SLC38A6: variants seen among roughly 807,000 people sequenced by gnomAD.
The protein encoded by SLC38A6 is solute carrier family 38 member 6, also known as N system amino acid transporter NAT-1.
Under a neutral mutation model 65.0 loss-of-function variants are expected in SLC38A6, and 73 were observed. The ratio of observed to expected loss-of-function variants is 1.12; its 90% CI spans 0.93 to 1.37. SLC38A6 has a LOEUF of 1.37. Among genes scored for constraint, SLC38A6 ranks in the 40% most tolerant of loss-of-function variants. SLC38A6 has a pLI of 0.00. For missense variants in SLC38A6, 561 were observed against 531.1 expected (o/e 1.06, Z -0.55); for synonymous variants, 183 against 178.8 (o/e 1.02, Z -0.19).
At chr14:60,986,120 A>G (rs1594951276) in intron 3 of SLC38A6, among the ~76,000 whole-genome samples, 1 of 152,242 alleles carries the variant, frequency 6.6e-6, no homozygotes, top group South Asian at 2.1e-4. Context: ...CAGTGAGACT[A>G]TTCTGTGCTG....
At chr14:61,068,124 G>A (rs2043094141) in intron 15 of SLC38A6, among the ~76,000 whole-genome samples, 2 of 151,974 alleles carry the variant, frequency 1.3e-5, no homozygotes, top group African/African-American at 4.8e-5. Flanking sequence ...TCTGTTTTCT[G>A]TATTTCTAGT....
At chr14:61,002,727 A>G (rs963604001) in intron 3 of SLC38A6, among the ~76,000 whole-genome samples, 1 of 152,192 alleles carries the variant, frequency 6.6e-6, no homozygotes, top group African/African-American at 2.4e-5. Flanking sequence ...GAATTTACTT[A>G]AGATTTATAG....
At chr14:61,012,700 T>G (rs192951097) in intron 3 of SLC38A6, among the ~76,000 whole-genome samples, 9 of 152,240 alleles carry the variant, frequency 5.9e-5, no homozygotes, top group Admixed American at 3.3e-4. Flanking sequence ...GGTGTTGAGT[T>G]AGTTTCTTAA....
chr14:61,013,751 T>C (rs146176969), intron 3 of SLC38A6, among the ~76,000 whole-genome samples: 2,818 of 152,322 alleles, frequency 0.019, 53 homozygotes, highest in South Asian at 0.068. Context: ...TGCCAAGAGA[T>C]CAGCTGTTAG....
chr14:61,074,862 G>T (rs1460851928), intron 15 of SLC38A6, among the ~76,000 whole-genome samples: 22 of 151,508 alleles, frequency 1.5e-4, no homozygotes, highest in Non-Finnish European at 2.9e-4. Flanking sequence ...TTTTGGTGGT[G>T]GTGGGGAATA....
At chr14:61,004,200 T>C (rs1010208613) in intron 3 of SLC38A6, among the ~76,000 whole-genome samples, 6 of 152,178 alleles carry the variant, frequency 3.9e-5, no homozygotes, top group Admixed American at 6.5e-5. Context: ...AGTATTATGG[T>C]TTTGGTTCAC....
chr14:61,007,083 A>G (rs1003968317), intron 3 of SLC38A6, among the ~76,000 whole-genome samples: 6 of 152,150 alleles, frequency 3.9e-5, no homozygotes, highest in Non-Finnish European at 8.8e-5. Flanking sequence ...ACAAAAAACC[A>G]AACACCACAT....
intron 3 of SLC38A6, among the ~76,000 whole-genome samples, chr14:60,992,692 C>CTT (rs75046082): frequency 6.9e-5 from 10 of 145,748 alleles, no homozygotes; most frequent in East Asian, 6.0e-4. Context: ...TTAAAGATAA[C>CTT]TTTTTTTTTT....
chr14:60,988,644 G>A (rs780814575), intron 3 of SLC38A6, among the ~76,000 whole-genome samples: 2 of 152,076 alleles, frequency 1.3e-5, no homozygotes, highest in Non-Finnish European at 2.9e-5. Context: ...ACCCTCTCAA[G>A]TACTTCAACT....
chr14:61,069,132 C>A (rs2043134916), intron 15 of SLC38A6, among the ~76,000 whole-genome samples: 1 of 152,152 alleles, frequency 6.6e-6, no homozygotes, highest in African/African-American at 2.4e-5. Flanking sequence ...AGGGTTACGA[C>A]CCAGGCATCG....
intron 15 of SLC38A6, among the ~76,000 whole-genome samples, chr14:61,066,393 C>A (rs1409939537): frequency 1.3e-5 from 2 of 151,732 alleles, no homozygotes; most frequent in African/African-American, 4.8e-5. Context: ...TCAGGACAAG[C>A]AATTATAAGG....
chr14:61,045,299 C>T, intron 10 of SLC38A6, 47 bp from the exon 11 acceptor site: 1 of 1,188,388 alleles, frequency 8.4e-7, no homozygotes, highest in African/African-American at 1.5e-5. Context: ...ATAATGGTTT[C>T]AGTAGAGTGG....
At chr14:61,046,807 A>G (rs2042176580) in intron 12 of SLC38A6, among the ~76,000 whole-genome samples, 1 of 152,172 alleles carries the variant, frequency 6.6e-6, no homozygotes, top group Admixed American at 6.5e-5. Context: ...AAGAACCTCA[A>G]GAAAAAGTAA....
chr14:61,021,178 T>C (rs769676660), intron 5 of SLC38A6, among the ~76,000 whole-genome samples: 6 of 152,158 alleles, frequency 3.9e-5, no homozygotes, highest in Non-Finnish European at 5.9e-5. Context: ...CCAGCACCTA[T>C]TACACCTGGG....
chr14:61,083,309 A>G (rs1180140502), intron 16 of SLC38A6, among the ~76,000 whole-genome samples: 1 of 152,184 alleles, frequency 6.6e-6, no homozygotes, highest in South Asian at 2.1e-4. Flanking sequence ...CATGCTTGCC[A>G]GGTTCTGGGT....
intron 3 of SLC38A6, among the ~76,000 whole-genome samples, chr14:61,006,029 C>A (rs1212564826): frequency 6.6e-6 from 1 of 152,124 alleles, no homozygotes; most frequent in Admixed American, 6.5e-5. Flanking sequence ...TGCCGCATAT[C>A]TACACCTATC....
At chr14:61,079,909 G>C (rs2043578178) in intron 16 of SLC38A6, among the ~76,000 whole-genome samples, 2 of 152,136 alleles carry the variant, frequency 1.3e-5, no homozygotes, top group Admixed American at 6.5e-5. Flanking sequence ...TTTGGCTTCT[G>C]CTCCTTTCCC....
At chr14:61,035,967 C>T (rs1236892280) in intron 6 of SLC38A6, among the ~76,000 whole-genome samples, 3 of 151,768 alleles carry the variant, frequency 2.0e-5, no homozygotes, top group Admixed American at 6.6e-5. Flanking sequence ...TACAAAATCA[C>T]GTTAACCTAC....
chr14:60,992,773 G>A (rs1315450300), intron 3 of SLC38A6, among the ~76,000 whole-genome samples: 2 of 151,322 alleles, frequency 1.3e-5, no homozygotes, highest in Non-Finnish European at 2.9e-5. Context: ...CGCAACCTCC[G>A]CCTCCTGGGT....
Sources: allele counts gnomAD v4.1 joint callset (sites outside exome capture counted in the v4.1 genomes callset), GRCh38; gene constraint gnomAD v4.1.1; transcripts MANE v1.5; gene names NCBI Gene and HGNC (gene_info 2026-07-23, HGNC 2026-07-21).